TEAD4: variants seen among roughly 807,000 people sequenced by gnomAD.
TEAD4 encodes the protein transcriptional enhancer factor TEF-3.
TEAD4 carries 36 observed loss-of-function variants against 52.4 expected under a neutral mutation model. That is an observed-to-expected ratio of 0.69 (90% CI 0.53 to 0.91). TEAD4 has a LOEUF of 0.91. TEAD4 is among the 40% of genes least tolerant of loss of function. The pLI is 0.00. For synonymous variants in TEAD4, 220 were observed against 231.0 expected, an observed-to-expected ratio of 0.95 and a Z score of 0.43; for missense variants, 508 against 583.9, an observed-to-expected ratio of 0.87 and a Z score of 1.34.
At chr12:2,993,448 GC>G (rs1356912096) in intron 2 of TEAD4, among the ~76,000 whole-genome samples, 1 of 151,834 alleles carries the variant, frequency 6.6e-6, no homozygotes, top group Admixed American at 6.6e-5. Context: ...TCTGCACCCT[GC>G]CGACTACTTT....
chr12:2,971,013 C>T (rs1050525428), intron 2 of TEAD4, among the ~76,000 whole-genome samples: 3 of 152,238 alleles, frequency 2.0e-5, no homozygotes, highest in Non-Finnish European at 1.5e-5. Flanking sequence ...CCTCTCTTGG[C>T]ATCAGCTCCC....
In TEAD4 at chr12:3,011,420, C is replaced by T. The variant is rs559039988; in HGVS notation, c.291+352C>T. Among the ~76,000 whole-genome samples the T allele has an allele frequency of 1.4e-4, 21 of 151,976 alleles. 1 individual carries two copies. The South Asian group carries it at 2.1e-3, about 15-fold the overall frequency. On this transcript the variant is annotated intron_variant, in intron 4 of 12. Coordinates refer to ENST00000359864, the MANE Select transcript of TEAD4 (RefSeq NM_003213.4). Reference sequence around the variant, plus strand: ...TAATTTTTTGTATTTTTAGTAGAGACGGGGTTTCACCACATTGGCCAGGCT... The same window carrying T: ...TAATTTTTTGTATTTTTAGTAGAGATGGGGTTTCACCACATTGGCCAGGCT...
intron 3 of TEAD4, among the ~76,000 whole-genome samples, chr12:3,009,327 G>T (rs1369623309): frequency 6.6e-6 from 1 of 152,274 alleles, no homozygotes; most frequent in Non-Finnish European, 1.5e-5. Flanking sequence ...CTACTTGGGA[G>T]GCTGAGGCAG....
intron 2 of TEAD4, among the ~76,000 whole-genome samples, chr12:2,966,938 C>T (rs2098220918): frequency 6.6e-6 from 1 of 152,074 alleles, no homozygotes; most frequent in Non-Finnish European, 1.5e-5. Context: ...AACTCCCGAC[C>T]TCAGGCGATC....
At chr12:2,983,385 A>G (rs1348079052) in intron 2 of TEAD4, among the ~76,000 whole-genome samples, 2 of 152,092 alleles carry the variant, frequency 1.3e-5, no homozygotes, top group East Asian at 3.9e-4. Context: ...GCCACACATG[A>G]AAGTCTGCAA....
intron 2 of TEAD4, among the ~76,000 whole-genome samples, chr12:2,982,296 G>A (rs981517952): frequency 2.0e-5 from 3 of 152,208 alleles, no homozygotes; most frequent in African/African-American, 7.2e-5. Context: ...GCCCTAGGAT[G>A]GAGCAACCTG....
In TEAD4 at chr12:2,979,817, G is replaced by C. The variant is rs540873497; in HGVS notation, c.-29-14921G>C. Reference sequence around the variant, plus strand: ...GTTGGGGATTAAGTTTTTAACCCACGAACTTTGAGGGGCACGTTCATACCA... The same window carrying C: ...GTTGGGGATTAAGTTTTTAACCCACCAACTTTGAGGGGCACGTTCATACCA... On this transcript the variant is annotated intron_variant, in intron 2 of 12. Transcript: ENST00000359864. Among the ~76,000 whole-genome samples, 15 of 152,236 alleles carry C rather than the reference G, an allele frequency of 9.9e-5. No homozygotes were observed. The East Asian group carries it at 2.9e-3, about 29-fold the overall frequency.
At chr12:3,022,544 C>T (rs1353902069) in intron 10 of TEAD4, among the ~76,000 whole-genome samples, 1 of 152,208 alleles carries the variant, frequency 6.6e-6, no homozygotes, top group African/African-American at 2.4e-5. Flanking sequence ...AAGAAACACC[C>T]ACCCAGCTTC....
At chr12:2,971,105 G>T (rs1204335426) in intron 2 of TEAD4, among the ~76,000 whole-genome samples, 1 of 152,246 alleles carries the variant, frequency 6.6e-6, no homozygotes, top group East Asian at 1.9e-4. Context: ...TGCAGCGGGA[G>T]TATGGAACGG....
At chr12:2,992,005 G>T (rs1419377115) in intron 2 of TEAD4, among the ~76,000 whole-genome samples, 3 of 144,698 alleles carry the variant, frequency 2.1e-5, no homozygotes, top group Non-Finnish European at 3.0e-5. Flanking sequence ...GGTTGGGGGG[G>T]GCGGTTCCTG....
At chr12:3,007,924 A>T (rs1039356928) in intron 3 of TEAD4, among the ~76,000 whole-genome samples, 1 of 152,218 alleles carries the variant, frequency 6.6e-6, no homozygotes, top group African/African-American at 2.4e-5. Flanking sequence ...TTTGTCTTAG[A>T]AGGCTAAAAC....
chr12:2,960,580 C>T lies in TEAD4; in HGVS notation c.-30+540C>T, dbSNP rs574841328. On this transcript the variant is annotated intron_variant, in intron 2 of 12. Coordinates refer to ENST00000359864, the MANE Select transcript of TEAD4 (RefSeq NM_003213.4). ...GCGTCTGTGCTGAGTCTGTGTGACA[C>T]CTGACTGCGAGTCCCCCTCGCTTTG... Among the ~76,000 whole-genome samples, 67 of 152,256 alleles carry T rather than the reference C, an allele frequency of 4.4e-4. No individual in the cohort carries two copies. The South Asian group carries it at 1.0e-2, about 23-fold the overall frequency.
chr12:3,016,620 G>A (rs891808938), intron 5 of TEAD4, among the ~76,000 whole-genome samples: 4 of 147,926 alleles, frequency 2.7e-5, no homozygotes, highest in Admixed American at 6.7e-5. Context: ...AAAAAAAAAA[G>A]AAGAAGAAAA....
chr12:2,969,629 C>T (rs2098223489), intron 2 of TEAD4, among the ~76,000 whole-genome samples: 1 of 152,210 alleles, frequency 6.6e-6, no homozygotes, highest in Non-Finnish European at 1.5e-5. Flanking sequence ...TTCGGGATTC[C>T]TGCTACAGGG....
chr12:2,982,045 A>G (rs942282084), intron 2 of TEAD4, among the ~76,000 whole-genome samples: 1 of 151,800 alleles, frequency 6.6e-6, no homozygotes, highest in Non-Finnish European at 1.5e-5. Flanking sequence ...GGAGCGTGAG[A>G]TGGATCGGAC....
At position 3,021,932 on chromosome 12, in the gene TEAD4, A is replaced by G. The variant is rs765302453; in HGVS notation, c.812A>G (p.Tyr271Cys). 3.1e-6 allele frequency: 5 copies of G among 1,614,234 alleles called. No individual in the cohort carries two copies. The highest frequency in any genetic ancestry group is 1.6e-4 in the Middle Eastern group (1 of 6,062). The change falls in exon 10 of 13, where the codon TAT (tyrosine) becomes TGT (cysteine). Residue 271 changes from tyrosine to cysteine, a missense_variant. Coordinates refer to ENST00000359864, the MANE Select transcript of TEAD4 (RefSeq NM_003213.4). ...GAAGCCGTGGACATCCGCCAAATCT[A>G]TGACAAATTCCCGGAGAAAAAGGGT...
chr12:3,032,113 G>A (rs2098275975), intron 10 of TEAD4, among the ~76,000 whole-genome samples: 1 of 152,240 alleles, frequency 6.6e-6, no homozygotes, highest in South Asian at 2.1e-4. Context: ...TAGGGCAGTG[G>A]CCCTGCGTGG....
chr12:2,999,964 C>T (rs1245071337), intron 3 of TEAD4, among the ~76,000 whole-genome samples: 1 of 152,132 alleles, frequency 6.6e-6, no homozygotes, highest in African/African-American at 2.4e-5. Flanking sequence ...CCCGAGTCTT[C>T]CTGCCTCTTT....
At chr12:2,960,993 G>A (rs1314070666) in intron 2 of TEAD4, among the ~76,000 whole-genome samples, 1 of 152,228 alleles carries the variant, frequency 6.6e-6, no homozygotes, top group Admixed American at 6.5e-5. Context: ...GACTTTCTCA[G>A]GGCGAGGGTC....
Sources: allele counts gnomAD v4.1 joint callset (sites outside exome capture counted in the v4.1 genomes callset), GRCh38; gene constraint gnomAD v4.1.1; transcripts MANE v1.5; gene names NCBI Gene and HGNC (gene_info 2026-07-23, HGNC 2026-07-21).